Variants in EPB41L3 observed in about 807,000 individuals in gnomAD.
EPB41L3 encodes erythrocyte membrane protein band 4.1 like 3.
A neutral mutation model predicts 127.1 loss-of-function variants in EPB41L3; 57 were observed. That is an observed-to-expected ratio of 0.45 (90% CI 0.36 to 0.56). EPB41L3 has a LOEUF of 0.56. EPB41L3 is among the 20% of genes least tolerant of loss of function. The pLI, the probability that EPB41L3 is intolerant of heterozygous loss-of-function variation, is 0.00. For synonymous variants in EPB41L3, 572 were observed against 549.5 expected (o/e 1.04, Z -0.57); for missense variants, 1,273 against 1,372.2 (o/e 0.93, Z 1.14).
intron 1 of EPB41L3, among the ~76,000 whole-genome samples, chr18:5,623,499 C>T (rs2094888238): frequency 6.6e-6 from 1 of 152,082 alleles, no homozygotes; most frequent in African/African-American, 2.4e-5. Context: ...TGAATTTATC[C>T]TCTCAATTTG....
intron 2 of EPB41L3, among the ~76,000 whole-genome samples, chr18:5,613,289 T>C (rs1030304785): frequency 4.6e-5 from 7 of 152,172 alleles, no homozygotes; most frequent in African/African-American, 1.7e-4. Context: ...GTAACAAAAA[T>C]GATGCCCATA....
chr18:5,609,004 AC>A (rs1250315400), intron 3 of EPB41L3, among the ~76,000 whole-genome samples: 1 of 152,198 alleles, frequency 6.6e-6, no homozygotes, highest in Non-Finnish European at 1.5e-5. Context: ...TCTTACAAAC[AC>A]CAATGCCAAA....
chr18:5,394,543 T>C, intron 22 of EPB41L3, 134 bp downstream of exon 22: 1 of 653,960 alleles, frequency 1.5e-6, no homozygotes, highest in Non-Finnish European at 2.6e-6. Context: ...CAATTCTCCA[T>C]CCTCTTGGTA....
chr18:5,559,168 G>A (rs909607090), intron 3 of EPB41L3, among the ~76,000 whole-genome samples: 2 of 152,060 alleles, frequency 1.3e-5, no homozygotes, highest in African/African-American at 4.8e-5. Context: ...TTATACAGTT[G>A]AACAGTTACA....
intron 1 of EPB41L3, among the ~76,000 whole-genome samples, chr18:5,526,530 C>T (rs932089214): frequency 3.3e-5 from 5 of 152,134 alleles, no homozygotes; most frequent in Admixed American, 6.6e-5. Context: ...AGAGACCATT[C>T]GATTTCACCA....
chr18:5,617,329 T>G (rs1259209994), intron 1 of EPB41L3, among the ~76,000 whole-genome samples: 1 of 151,176 alleles, frequency 6.6e-6, no homozygotes, highest in East Asian at 1.9e-4. Context: ...TATTTTTTTT[T>G]TTTTTTTGAG....
chr18:5,445,362 C>G, intron 3 of EPB41L3, 118 bp from the exon 4 acceptor site: 1 of 778,608 alleles, frequency 1.3e-6, no homozygotes, highest in Non-Finnish European at 2.1e-6. Flanking sequence ...AGGGAGTGAC[C>G]AACAGTGTGA....
chr18:5,533,622 G>A (rs2093478785), intron 1 of EPB41L3, among the ~76,000 whole-genome samples: 1 of 152,130 alleles, frequency 6.6e-6, no homozygotes, highest in African/African-American at 2.4e-5. Context: ...TTTACTCATA[G>A]AAGCATCTCT....
intron 1 of EPB41L3, among the ~76,000 whole-genome samples, chr18:5,615,893 CCTG>C (rs2094789082): frequency 6.6e-6 from 1 of 152,238 alleles, no homozygotes; most frequent in East Asian, 1.9e-4. Context: ...CTTTCACAGG[CCTG>C]AAATCCCCTC....
At chr18:5,501,688 T>C (rs974158978) in intron 1 of EPB41L3, among the ~76,000 whole-genome samples, 9 of 152,260 alleles carry the variant, frequency 5.9e-5, no homozygotes, top group Admixed American at 2.0e-4. Context: ...TCTTCTGGCA[T>C]TCTTGGAGAG....
intron 3 of EPB41L3, among the ~76,000 whole-genome samples, chr18:5,611,689 A>C (rs1471157905): frequency 6.6e-6 from 1 of 152,202 alleles, no homozygotes; most frequent in African/African-American, 2.4e-5. Flanking sequence ...ACATTTTAGG[A>C]GGCTGAGGTG....
At chr18:5,617,991 A>G (rs571030872) in intron 1 of EPB41L3, among the ~76,000 whole-genome samples, 7 of 152,296 alleles carry the variant, frequency 4.6e-5, no homozygotes, top group African/African-American at 1.2e-4. Context: ...AAGGTCCCAT[A>G]AGTAATATTA....
chr18:5,433,773 G>T, intron 7 of EPB41L3, 130 bp downstream of exon 7: 1 of 1,068,798 alleles, frequency 9.4e-7, no homozygotes, highest in Non-Finnish European at 1.4e-6. Context: ...GAATTTTACT[G>T]TGCATGGACC....
At chr18:5,455,729 A>T (rs2146839977) in intron 3 of EPB41L3, among the ~76,000 whole-genome samples, 1 of 151,002 alleles carries the variant, frequency 6.6e-6, no homozygotes, top group Non-Finnish European at 1.5e-5. Context: ...ATGGCTTTCC[A>T]GTGAAGCACG....
At chr18:5,470,025 G>A (rs1225353880) in intron 3 of EPB41L3, among the ~76,000 whole-genome samples, 3 of 152,050 alleles carry the variant, frequency 2.0e-5, no homozygotes, top group Admixed American at 1.3e-4. Flanking sequence ...TGATCTACCC[G>A]CCTTGGCCTC....
chr18:5,396,468 T>C, intron 18 of EPB41L3, 136 bp from the exon 19 acceptor site: 1 of 979,116 alleles, frequency 1.0e-6, no homozygotes, highest in Non-Finnish European at 1.5e-6. Context: ...AGCTGGGGAA[T>C]GAGGCATACA....
chr18:5,522,368 C>T (rs2093029658), intron 1 of EPB41L3, among the ~76,000 whole-genome samples: 1 of 152,140 alleles, frequency 6.6e-6, no homozygotes, highest in Non-Finnish European at 1.5e-5. Context: ...AAGTGATCTG[C>T]CTGTCTCGGC....
At chr18:5,545,221 A>T (rs180744890), upstream of EPB41L3, among the ~76,000 whole-genome samples, 2 of 152,198 alleles carry the variant, frequency 1.3e-5, no homozygotes, top group African/African-American at 2.4e-5. Context: ...TTTTTTTAAA[A>T]TAGAGCCTTC....
intron 3 of EPB41L3, among the ~76,000 whole-genome samples, chr18:5,574,032 T>C (rs1269295769): frequency 6.6e-6 from 1 of 151,834 alleles, no homozygotes. Flanking sequence ...TGCGTCAGCC[T>C]CCCAAACAGC....
Sources: allele counts gnomAD v4.1 joint callset (sites outside exome capture counted in the v4.1 genomes callset), GRCh38; gene constraint gnomAD v4.1.1; transcripts MANE v1.5; gene names NCBI Gene and HGNC (gene_info 2026-07-23, HGNC 2026-07-21).